CNTNAP5: variants seen among roughly 807,000 people sequenced by gnomAD.
CNTNAP5 encodes the protein contactin associated protein family member 5.
CNTNAP5 carries 72 observed loss-of-function variants against 150.2 expected under a neutral mutation model. The observed-to-expected ratio is 0.48, with a 90% CI of 0.40 to 0.58. CNTNAP5 has a LOEUF of 0.58. Among genes scored for constraint, CNTNAP5 ranks in the 20% least tolerant of loss-of-function variants. CNTNAP5 has a pLI of 0.00. For missense variants in CNTNAP5, 1,636 were observed against 1,626.2 expected (o/e 1.01, Z -0.10); for synonymous variants, 672 against 619.8 (o/e 1.08, Z -1.25).
At chr2:124,713,508 G>A (rs112424072) in intron 13 of CNTNAP5, among the ~76,000 whole-genome samples, 3,265 of 151,358 alleles carry the variant, frequency 0.022, 56 homozygotes, top group Middle Eastern at 0.041. Context: ...CTCCCTAGTA[G>A]TTGGGATTAC....
chr2:124,080,651 A>C (rs1682539685), intron 1 of CNTNAP5, among the ~76,000 whole-genome samples: 1 of 152,214 alleles, frequency 6.6e-6, no homozygotes, highest in Admixed American at 6.5e-5. Context: ...CCATTCTATA[A>C]AAAATGCTCC....
At chr2:124,054,727 A>G (rs1203296659) in intron 1 of CNTNAP5, among the ~76,000 whole-genome samples, 3 of 152,170 alleles carry the variant, frequency 2.0e-5, no homozygotes, top group Admixed American at 2.0e-4. Flanking sequence ...GAAACTATAT[A>G]ACTCACAGCA....
chr2:124,777,775 ATGTG>A (rs35863925), intron 17 of CNTNAP5, among the ~76,000 whole-genome samples: 6,817 of 130,552 alleles, frequency 0.052, 165 homozygotes, highest in African/African-American at 0.073. Flanking sequence ...GAATGGAGGG[ATGTG>A]TGTGTGTGTG....
At chr2:124,417,861 T>C (rs1271629733) in intron 4 of CNTNAP5, among the ~76,000 whole-genome samples, 1 of 152,200 alleles carries the variant, frequency 6.6e-6, no homozygotes, top group Non-Finnish European at 1.5e-5. Context: ...ATTTGTCCTT[T>C]GCAGTTAAAC....
intron 1 of CNTNAP5, among the ~76,000 whole-genome samples, chr2:124,030,526 A>C (rs1414407868): frequency 6.6e-6 from 1 of 152,148 alleles, no homozygotes; most frequent in African/African-American, 2.4e-5. Flanking sequence ...ATTCACTTTG[A>C]CACTGTGTAT....
intron 8 of CNTNAP5, among the ~76,000 whole-genome samples, chr2:124,523,995 T>C (rs1694908084): frequency 6.6e-6 from 1 of 151,920 alleles, no homozygotes; most frequent in African/African-American, 2.4e-5. Context: ...TATACAACAA[T>C]AGATCAGAAT....
At chr2:124,417,722 A>T (rs1691962399) in intron 4 of CNTNAP5, 132 bp downstream of exon 4, 3 of 864,844 alleles carry the variant, frequency 3.5e-6, no homozygotes, top group Middle Eastern at 3.6e-4. Context: ...ATGCATATTT[A>T]AAAATGTTCA....
At chr2:124,080,173 T>C (rs1298270708) in intron 1 of CNTNAP5, among the ~76,000 whole-genome samples, 1 of 152,184 alleles carries the variant, frequency 6.6e-6, no homozygotes, top group Non-Finnish European at 1.5e-5. Flanking sequence ...TACATTTATT[T>C]TGTGCTCTCT....
rs753431630 is a variant in CNTNAP5 at position 124,798,092 on chromosome 2, G to A, written c.2993-4G>A. 2.5e-6 allele frequency: 4 copies of A among 1,600,376 alleles called. No homozygotes were observed. In the Admixed American group the frequency reaches 6.9e-5, roughly 28 times the overall value. On this transcript the variant is annotated splice_region_variant and splice_polypyrimidine_tract_variant and intron_variant, in intron 18 of 23. Transcript: ENST00000682447. ...TGTGTGCTCTCCCCTCTTATATTTT[G>A]CAGAGGTTTCTGCTGTTTTTGAGGC...
chr2:124,111,234 G>A (rs1683291476), intron 1 of CNTNAP5, among the ~76,000 whole-genome samples: 1 of 152,102 alleles, frequency 6.6e-6, no homozygotes, highest in East Asian at 1.9e-4. Context: ...AAAGAGAGGA[G>A]GAACTCTTGA....
chr2:124,460,069 T>A (rs1010971364), intron 6 of CNTNAP5, among the ~76,000 whole-genome samples: 1 of 152,192 alleles, frequency 6.6e-6, no homozygotes, highest in Non-Finnish European at 1.5e-5. Context: ...TATGTTCTGA[T>A]ACAGAAATCA....
intron 13 of CNTNAP5, among the ~76,000 whole-genome samples, chr2:124,649,144 G>T (rs1449899652): frequency 6.6e-6 from 1 of 152,110 alleles, no homozygotes; most frequent in Non-Finnish European, 1.5e-5. Context: ...CTTAACCAGA[G>T]AATTCTGAAC....
chr2:124,522,897 C>T (rs1273590207), intron 8 of CNTNAP5, among the ~76,000 whole-genome samples: 1 of 152,204 alleles, frequency 6.6e-6, no homozygotes, highest in Non-Finnish European at 1.5e-5. Context: ...TCTTGGGATC[C>T]TCACATGGAG....
At chr2:124,386,568 G>A (rs1291582997) in intron 3 of CNTNAP5, among the ~76,000 whole-genome samples, 2 of 152,226 alleles carry the variant, frequency 1.3e-5, no homozygotes, top group Admixed American at 6.5e-5. Flanking sequence ...CCAATTTGCT[G>A]TAGTTTACAG....
chr2:124,391,656 C>T (rs57928457), intron 3 of CNTNAP5, among the ~76,000 whole-genome samples: 15,851 of 152,144 alleles, frequency 0.1, 1,202 homozygotes, highest in African/African-American at 0.22. Context: ...CTGTTCTTAC[C>T]GCAAAAAAAG....
chr2:124,321,889 C>T (rs1689107964), intron 3 of CNTNAP5, among the ~76,000 whole-genome samples: 1 of 152,108 alleles, frequency 6.6e-6, no homozygotes, highest in South Asian at 2.1e-4. Flanking sequence ...GTGGCTCACG[C>T]CTGTAATCCC....
At chr2:124,131,281 C>T (rs1683836820) in intron 1 of CNTNAP5, among the ~76,000 whole-genome samples, 1 of 152,128 alleles carries the variant, frequency 6.6e-6, no homozygotes, top group Non-Finnish European at 1.5e-5. Context: ...TGAAACCATG[C>T]CCTCGTTAAG....
intron 12 of CNTNAP5, among the ~76,000 whole-genome samples, chr2:124,646,344 A>G (rs1402284035): frequency 6.6e-6 from 1 of 152,134 alleles, no homozygotes; most frequent in Non-Finnish European, 1.5e-5. Context: ...TGTGCTAATT[A>G]ATCGTGGTGA....
chr2:124,194,127 GC>G (rs1685519829), intron 1 of CNTNAP5, among the ~76,000 whole-genome samples: 1 of 151,948 alleles, frequency 6.6e-6, no homozygotes. Flanking sequence ...CCAGGACACA[GC>G]TGCTGCAATA....
Sources: gnomAD v4.1 joint callset for allele counts (sites outside exome capture counted in the v4.1 genomes callset) on GRCh38, gnomAD v4.1.1 for gene constraint, MANE v1.5 for transcripts, NCBI Gene and HGNC (gene_info 2026-07-23, HGNC 2026-07-21) for gene names.